Variants in CCSER2 observed in about 807,000 individuals in gnomAD.
The protein encoded by CCSER2 is serine-rich coiled-coil domain-containing protein 2.
Under a neutral mutation model 92.3 loss-of-function variants are expected in CCSER2, and 46 were observed. The observed-to-expected ratio is 0.50, with a 90% CI of 0.39 to 0.64. CCSER2 has a LOEUF of 0.64. Ranked by LOEUF, CCSER2 falls within the 30% of genes least tolerant of loss-of-function variation. The pLI is 0.00. For synonymous variants in CCSER2, 433 were observed against 431.4 expected, an observed-to-expected ratio of 1.00 and a Z score of -0.04; for missense variants, 1,244 against 1,238.9, an observed-to-expected ratio of 1.00 and a Z score of -0.06.
At chr10:84,418,942 G>A (rs772427533) in intron 4 of CCSER2, among the ~76,000 whole-genome samples, 1 of 152,140 alleles carries the variant, frequency 6.6e-6, no homozygotes, top group East Asian at 1.9e-4. Context: ...TTGTTCTCAC[G>A]ACAGCAGAAA....
intron 9 of CCSER2, among the ~76,000 whole-genome samples, chr10:84,511,510 T>G (rs527800806): frequency 6.6e-6 from 1 of 152,230 alleles, no homozygotes; most frequent in African/African-American, 2.4e-5. Context: ...AATAGACATA[T>G]TACAATAAAG....
At chr10:84,486,722 T>C (rs1403040945) in intron 9 of CCSER2, among the ~76,000 whole-genome samples, 1 of 152,248 alleles carries the variant, frequency 6.6e-6, no homozygotes, top group Non-Finnish European at 1.5e-5. Context: ...TAGTTTCTTT[T>C]GCTGTGCAGA....
chr10:84,447,423 T>C lies in CCSER2; in HGVS notation c.2064+8716T>C, dbSNP rs141828058. 1.1e-3 allele frequency among the ~76,000 whole-genome samples: 170 copies of C among 152,370 alleles called. 1 individual carries two copies. The highest frequency in any genetic ancestry group is 3.9e-3 in the African/African-American group (162 of 41,594). ...TTTTGTGTGTATGAGAGCGAGATTT[T>C]TGTATATTCTAGATGCAAGTACTTT... On this transcript the variant is annotated intron_variant, in intron 6 of 9. Transcript: ENST00000372088.
rs1378263759 is a variant in CCSER2 at position 84,438,678 on chromosome 10, T to C, written c.2035T>C (p.Leu679=). The C allele has an allele frequency of 6.2e-7, 1 of 1,609,816 alleles. No homozygotes were observed. The highest frequency in any genetic ancestry group is 2.2e-5 in the East Asian group (1 of 44,818). The stretch of plus-strand genomic sequence containing the variant: ...GGATTGCACTGCTGTAAAAACTCAG[T>C]TACTCAAACTGAAACGTCTCCTGCA... ...VQDCTAVKTQ[L]LKLKRLLHQH... is the part of the protein sequence containing the mutation. The change falls in exon 6 of 10, where the codon TTA becomes CTA. Residue 679 remains leucine (L), a synonymous_variant. Coordinates refer to ENST00000372088, the MANE Select transcript of CCSER2 (RefSeq NM_001284240.2).
At chr10:84,360,639 C>T (rs1414841081) in intron 1 of CCSER2, among the ~76,000 whole-genome samples, 1 of 152,170 alleles carries the variant, frequency 6.6e-6, no homozygotes, top group Non-Finnish European at 1.5e-5. Flanking sequence ...TCAGTTAGCC[C>T]GCTCTTGCAG....
intron 3 of CCSER2, among the ~76,000 whole-genome samples, chr10:84,414,377 A>C (rs1197504149): frequency 1.3e-5 from 2 of 151,430 alleles, no homozygotes; most frequent in Admixed American, 1.3e-4. Flanking sequence ...TGTTTGTCTG[A>C]AAAGGATCTT....
chr10:84,499,848 C>A, intron 9 of CCSER2: 1 of 1,608,750 alleles, frequency 6.2e-7, no homozygotes, highest in Non-Finnish European at 8.5e-7. Context: ...TTTATTATAC[C>A]TCCCTACCCC....
chr10:84,506,977 A>C (rs1408231845), intron 9 of CCSER2, among the ~76,000 whole-genome samples: 1 of 152,106 alleles, frequency 6.6e-6, no homozygotes, highest in Non-Finnish European at 1.5e-5. Flanking sequence ...TACTTTCAAT[A>C]TTTTGTTTGG....
chr10:84,514,545 A>C lies in CCSER2; in HGVS notation c.*278A>C. The C allele has an allele frequency of 2.3e-6, 1 of 427,044 alleles. No individual in the cohort carries two copies. Among genetic ancestry groups the C allele is most frequent in the Non-Finnish European group, 4.1e-6 (1 of 241,878 alleles). The allele number at this position is 427,044 out of a possible 1,614,324, so 26.5% of individuals were successfully genotyped here. On this transcript the variant is annotated 3_prime_UTR_variant, in exon 10 of 10. Transcript: ENST00000372088. ...CAAATCATGTTATCCATCCCTCTCC[A>C]CGTCAGAAAATTCATAATATTTTAC...
intron 6 of CCSER2, among the ~76,000 whole-genome samples, chr10:84,459,925 T>A (rs551553613): frequency 6.6e-6 from 1 of 152,226 alleles, no homozygotes; most frequent in South Asian, 2.1e-4. Flanking sequence ...GCCAGGAAAT[T>A]TATCTGTGTA....
intron 6 of CCSER2, among the ~76,000 whole-genome samples, chr10:84,448,039 C>A (rs1446394819): frequency 2.0e-5 from 3 of 152,094 alleles, no homozygotes; most frequent in Non-Finnish European, 4.4e-5. Flanking sequence ...TCATACTACT[C>A]CAGCTCTGAC....
intron 9 of CCSER2, among the ~76,000 whole-genome samples, chr10:84,488,825 G>A (rs1235481486): frequency 1.3e-5 from 2 of 151,934 alleles, no homozygotes; most frequent in Admixed American, 1.3e-4. Context: ...TTTTAATTGC[G>A]ATGTTAGGGT....
At chr10:84,486,091 G>A (rs1460722126) in intron 9 of CCSER2, among the ~76,000 whole-genome samples, 3 of 152,258 alleles carry the variant, frequency 2.0e-5, no homozygotes, top group Admixed American at 2.0e-4. Context: ...TTTTATGGCT[G>A]CATAGTATTC....
chr10:84,401,586 G>T (rs757491898), intron 3 of CCSER2, among the ~76,000 whole-genome samples: 1 of 152,062 alleles, frequency 6.6e-6, no homozygotes, highest in Non-Finnish European at 1.5e-5. Context: ...GGTTTCACTG[G>T]CCAATTTTAC....
At chr10:84,339,764 C>T (rs1028792812) in intron 1 of CCSER2, among the ~76,000 whole-genome samples, 4 of 150,748 alleles carry the variant, frequency 2.7e-5, no homozygotes, top group Non-Finnish European at 5.9e-5. Context: ...CATGAGCTAC[C>T]GTGCCTGGCC....
rs1849663438 is a variant in CCSER2, at chr10:84,518,309, A to G, written c.*4042A>G. On this transcript the variant is annotated 3_prime_UTR_variant, in exon 10 of 10. Transcript: ENST00000372088. ...TGGTAAAGCGTTTACTTAACAAAAT[A>G]ATACCCGAGAATGTAAGGTCTCTAA... 1 of 152,660 alleles carries G rather than the reference A, an allele frequency of 6.6e-6. No individual in the cohort carries two copies. The highest frequency in any genetic ancestry group is 1.5e-5 in the Non-Finnish European group (1 of 68,044). 9.5% of individuals were successfully genotyped at this position (152,660 alleles called of 1,614,324 possible).
intron 1 of CCSER2, among the ~76,000 whole-genome samples, chr10:84,360,352 G>A (rs987254957): frequency 1.3e-5 from 2 of 152,084 alleles, no homozygotes; most frequent in Admixed American, 1.3e-4. Flanking sequence ...CTATAAAGAA[G>A]ATTTTCCATC....
intron 5 of CCSER2, among the ~76,000 whole-genome samples, chr10:84,426,574 G>A (rs910069989): frequency 2.0e-5 from 3 of 152,172 alleles, no homozygotes; most frequent in Non-Finnish European, 2.9e-5. Flanking sequence ...GCCTAGAGTA[G>A]TGTCTAGTTT....
At chr10:84,479,025 T>G (rs1847310534) in intron 9 of CCSER2, among the ~76,000 whole-genome samples, 1 of 152,204 alleles carries the variant, frequency 6.6e-6, no homozygotes, top group Non-Finnish European at 1.5e-5. Flanking sequence ...TTATGCCTTA[T>G]AATTGTACTA....
Sources: allele counts gnomAD v4.1 joint callset (sites outside exome capture counted in the v4.1 genomes callset), GRCh38; gene constraint gnomAD v4.1.1; transcripts MANE v1.5; gene names NCBI Gene and HGNC (gene_info 2026-07-23, HGNC 2026-07-21).